The following FUT8 variants were observed in gnomAD, a reference collection of about 807,000 sequenced individuals.
The protein encoded by FUT8 is alpha-(1,6)-fucosyltransferase.
In FUT8, 29 loss-of-function variants were observed where a neutral mutation model predicts 71.3. The ratio of observed to expected loss-of-function variants is 0.41; its 90% CI spans 0.30 to 0.55. The LOEUF is 0.55. FUT8 is among the 20% of genes least tolerant of loss of function. FUT8 has a pLI of 0.34. For missense variants in FUT8, 544 were observed against 702.1 expected, an observed-to-expected ratio of 0.77 and a Z score of 2.55; for synonymous variants, 254 against 239.3, an observed-to-expected ratio of 1.06 and a Z score of -0.57.
At chr14:65,388,649 C>G in the FUT8 span, among the ~76,000 whole-genome samples, 1 of 152,112 alleles carries the variant, frequency 6.6e-6, no homozygotes, top group Non-Finnish European at 1.5e-5. Context: ...GTAATCCCAG[C>G]TACTCAGGAG....
At chr14:65,525,110 A>G (rs550676492) in intron 2 of FUT8, among the ~76,000 whole-genome samples, 21 of 152,152 alleles carry the variant, frequency 1.4e-4, no homozygotes, top group African/African-American at 2.7e-4. Context: ...CTCTTTTTCT[A>G]TTGATGGGAA....
chr14:65,600,263 T>C (rs1288572702), intron 3 of FUT8, among the ~76,000 whole-genome samples: 1 of 152,246 alleles, frequency 6.6e-6, no homozygotes, highest in Non-Finnish European at 1.5e-5. Context: ...CTGATTACTT[T>C]AGCTGGTTAT....
Position 65,611,184 on chromosome 14 carries a change from TAC to T in FUT8, c.204-4781_204-4780del, listed in dbSNP as rs1207147862. On this transcript the variant is annotated intron_variant, in intron 3 of 10. Coordinates refer to ENST00000673929, the MANE Select transcript of FUT8 (RefSeq NM_001371533.1). ...TTAAGTTGTTACATTTTAAGTGTCATACACACACACACACGCGCGCGCGCGCG... is the reference window on the plus strand; with the variant it reads ...TTAAGTTGTTACATTTTAAGTGTCATACACACACACACGCGCGCGCGCGCG... 9.3e-3 allele frequency among the ~76,000 whole-genome samples: 968 copies of T among 103,618 alleles called. 131 individuals carry two copies. Among genetic ancestry groups the T allele is most frequent in the African/African-American group, 0.022 (566 of 26,072 alleles). The allele number at this position is 103,618 out of a possible 152,430, so 68.0% of individuals were successfully genotyped here.
rs1327823652 is a variant in FUT8, at chr14:65,629,516, C to T, written c.507C>T (p.Tyr169=). The change falls in exon 6 of 11, where the codon TAC becomes TAT. Residue 169 remains tyrosine, a synonymous_variant. Transcript: ENST00000673929. ...HERSIMTDLY[Y]LSQTDGAGDW... The stretch of plus-strand genomic sequence containing the variant: ...GGTCTATAATGACGGATCTATACTA[C>T]CTCAGTCAGACAGATGGAGCAGGTG... The T allele has an allele frequency of 6.2e-7, 1 of 1,613,360 alleles. No homozygotes were observed. The highest frequency in any genetic ancestry group is 8.5e-7 in the Non-Finnish European group (1 of 1,179,344).
the FUT8 span, among the ~76,000 whole-genome samples, chr14:65,359,902 C>A: frequency 1.3e-5 from 2 of 152,092 alleles, no homozygotes; most frequent in Admixed American, 6.6e-5. Context: ...CTCTGCTCAT[C>A]GCAATCTCCG....
chr14:65,537,678 C>T (rs1036956775), intron 2 of FUT8, among the ~76,000 whole-genome samples: 2 of 152,186 alleles, frequency 1.3e-5, no homozygotes, highest in East Asian at 1.9e-4. Flanking sequence ...TGAGCCACTG[C>T]ACCTGGCCGA....
At chr14:65,659,996 T>A (rs969822798) in intron 6 of FUT8, among the ~76,000 whole-genome samples, 3 of 152,180 alleles carry the variant, frequency 2.0e-5, no homozygotes, top group Non-Finnish European at 4.4e-5. Flanking sequence ...CTTGAGAAGA[T>A]ACATTTTCTG....
chr14:65,731,453 C>T (rs1332710813), intron 9 of FUT8, among the ~76,000 whole-genome samples: 1 of 152,146 alleles, frequency 6.6e-6, no homozygotes, highest in Non-Finnish European at 1.5e-5. Context: ...CCTCCACTGA[C>T]ATACTTGAGG....
chr14:65,562,527 A>G (rs549835529), intron 3 of FUT8, among the ~76,000 whole-genome samples: 5 of 152,266 alleles, frequency 3.3e-5, no homozygotes, highest in South Asian at 4.1e-4. Flanking sequence ...TAAACATAAT[A>G]TTACATAGGC....
At chr14:65,508,974 G>C (rs1247548630) in intron 2 of FUT8, among the ~76,000 whole-genome samples, 1 of 151,976 alleles carries the variant, frequency 6.6e-6, no homozygotes, top group African/African-American at 2.4e-5. Context: ...GTGCTTGTGG[G>C]GTATTACTTA....
At chr14:65,411,943 C>T (rs890930666), upstream of FUT8, 5 of 440,122 alleles carry the variant, frequency 1.1e-5, no homozygotes, top group Non-Finnish European at 2.3e-5. Flanking sequence ...GGCAGCCCTT[C>T]GGTCCACTGC....
At chr14:65,415,450 G>A (rs1662373608) in intron 1 of FUT8, among the ~76,000 whole-genome samples, 1 of 152,092 alleles carries the variant, frequency 6.6e-6, no homozygotes, top group Admixed American at 6.6e-5. Flanking sequence ...TCTCTAAAAT[G>A]TACCCCCAAA....
chr14:65,561,264 C>T (rs572835380), intron 2 of FUT8, 73 bp from the exon 3 acceptor site: 109 of 272,108 alleles, frequency 4.0e-4, no homozygotes, highest in Non-Finnish European at 7.0e-4. Context: ...CAATGTGTTT[C>T]CTCCAAGAAT....
chr14:65,557,332 T>TC (rs1334522792), intron 2 of FUT8, among the ~76,000 whole-genome samples: 2 of 146,618 alleles, frequency 1.4e-5, no homozygotes, highest in South Asian at 2.1e-4. Context: ...TGTCTCTCTC[T>TC]CCCCTTTTTT....
intron 6 of FUT8, among the ~76,000 whole-genome samples, chr14:65,631,096 C>G (rs910135262): frequency 1.3e-5 from 2 of 152,204 alleles, no homozygotes; most frequent in African/African-American, 4.8e-5. Context: ...GGCCATTCAT[C>G]AGAGGTGTCT....
intron 6 of FUT8, among the ~76,000 whole-genome samples, chr14:65,649,296 T>G (rs1891250427): frequency 6.6e-6 from 1 of 152,220 alleles, no homozygotes; most frequent in South Asian, 2.1e-4. Flanking sequence ...ATTTTTTGTT[T>G]GTTTGGTTGG....
At chr14:65,739,341 T>A (rs1003076151) in intron 10 of FUT8, among the ~76,000 whole-genome samples, 3 of 152,078 alleles carry the variant, frequency 2.0e-5, no homozygotes, top group Admixed American at 6.6e-5. Flanking sequence ...CACCTCAGTG[T>A]CTGAAATCTC....
At chr14:65,504,184 T>G (rs1017889133) in intron 2 of FUT8, among the ~76,000 whole-genome samples, 1 of 152,196 alleles carries the variant, frequency 6.6e-6, no homozygotes, top group African/African-American at 2.4e-5. Flanking sequence ...TAGGAAAAAA[T>G]ATTAAAGTAG....
chr14:65,358,202 A>G, the FUT8 span, among the ~76,000 whole-genome samples: 1 of 152,240 alleles, frequency 6.6e-6, no homozygotes, highest in Non-Finnish European at 1.5e-5. Context: ...GTATTATTAC[A>G]AAGAAATGAT....
Sources: allele counts gnomAD v4.1 joint callset (sites outside exome capture counted in the v4.1 genomes callset), GRCh38; gene constraint gnomAD v4.1.1; transcripts MANE v1.5; gene names NCBI Gene and HGNC (gene_info 2026-07-23, HGNC 2026-07-21).